Variants in PINX1 observed in about 807,000 individuals in gnomAD.
PINX1 encodes the protein PIN2 (TERF1) interacting telomerase inhibitor 1.
Under a neutral mutation model 25.4 loss-of-function variants are expected in PINX1, and 34 were observed. That is an observed-to-expected ratio of 1.34 (90% CI 1.02 to 1.78). The LOEUF (loss-of-function observed/expected upper bound fraction) is 1.78, where lower values mean the gene tolerates loss of function less well. Ranked by LOEUF, PINX1 falls within the 40% of genes most tolerant of loss-of-function variation. The probability of loss-of-function intolerance (pLI) is 0.00; values close to 1 mark genes in which losing one functional copy is unlikely to be tolerated. For missense variants in PINX1, 592 were observed against 404.9 expected, an observed-to-expected ratio of 1.46 and a Z score of -3.97; for synonymous variants, 197 against 147.7, an observed-to-expected ratio of 1.33 and a Z score of -2.42.
chr8:10,784,859 C>T (rs566936690), intron 6 of PINX1, among the ~76,000 whole-genome samples: 16 of 152,284 alleles, frequency 1.1e-4, no homozygotes, highest in African/African-American at 3.6e-4. Flanking sequence ...TGTCAAAGAA[C>T]AACAGATGAC....
At chr8:10,817,949 A>T (rs7845731) in intron 6 of PINX1, among the ~76,000 whole-genome samples, 1 of 152,088 alleles carries the variant, frequency 6.6e-6, no homozygotes, top group Admixed American at 6.5e-5. Flanking sequence ...ATTTTTTTTA[A>T]ATTTTTCTCC....
intron 6 of PINX1, among the ~76,000 whole-genome samples, chr8:10,778,868 G>A (rs1407501366): frequency 6.6e-6 from 1 of 152,184 alleles, no homozygotes; most frequent in African/African-American, 2.4e-5. Flanking sequence ...AAGAGGGTGG[G>A]CTTTTACCCA....
chr8:10,783,448 G>A (rs769804248), intron 6 of PINX1, among the ~76,000 whole-genome samples: 1 of 152,190 alleles, frequency 6.6e-6, no homozygotes, highest in Admixed American at 6.5e-5. Flanking sequence ...TGTCTTTGCA[G>A]ATATGGTCTT....
chr8:10,794,444 T>A (rs931968471), intron 6 of PINX1, among the ~76,000 whole-genome samples: 1 of 152,158 alleles, frequency 6.6e-6, no homozygotes, highest in African/African-American at 2.4e-5. Context: ...GCTACCTTTT[T>A]TTTTTTTGAG....
At position 10,765,637 on chromosome 8, in the gene PINX1, T is replaced by A; in HGVS notation, c.751A>T (p.Lys251Ter). The change falls in exon 7 of 7, where the codon AAG (lysine) becomes TAG (stop). Residue 251 changes from lysine to a stop codon, truncating the protein, a stop_gained. Coordinates refer to ENST00000314787, the MANE Select transcript of PINX1 (RefSeq NM_017884.6). LOFTEE classifies it low-confidence loss of function (END_TRUNC). The stretch of plus-strand genomic sequence containing the variant: ...TCTTCTGCTGGCGCGCTCTTCTTCT[T>A]GGCCACTCGCTCCTGGGCCTCGGCC... Reference protein sequence around the residue: ...ERAEAQERVAKKKSAPAEEQL... With the variant: ...ERAEAQERVA 1 of 1,613,922 alleles carries A rather than the reference T, an allele frequency of 6.2e-7. No individual in the cohort carries two copies. Among genetic ancestry groups the A allele is most frequent in the Non-Finnish European group, 8.5e-7 (1 of 1,179,886 alleles).
intron 6 of PINX1, among the ~76,000 whole-genome samples, chr8:10,810,255 C>A (rs9650659): frequency 0.17 from 25,338 of 152,224 alleles, 2,513 homozygotes; most frequent in Non-Finnish European, 0.23. Context: ...CAAGACACTA[C>A]TGTTTCCTTC....
intron 6 of PINX1, among the ~76,000 whole-genome samples, chr8:10,804,390 G>A (rs945810257): frequency 4.6e-5 from 7 of 152,178 alleles, no homozygotes; most frequent in Non-Finnish European, 5.9e-5. Context: ...ACACAGAGCT[G>A]GGTGAGAAGA....
At chr8:10,831,839 A>C in intron 3 of PINX1, 96 bp from the exon 4 acceptor site, 2 of 697,212 alleles carry the variant, frequency 2.9e-6, no homozygotes, top group Non-Finnish European at 5.1e-6. Context: ...CCAGTGGTTA[A>C]TTAAGAAATT....
chr8:10,805,536 G>T lies in PINX1; in HGVS notation c.471+14657C>A, dbSNP rs56308167. On this transcript the variant is annotated intron_variant, in intron 6 of 6. Coordinates refer to ENST00000314787, the MANE Select transcript of PINX1 (RefSeq NM_017884.6). ...AGGAAGGGGCCACACTAGTGCTGAG[G>T]GAGGAGGCAGAGCACAGGAAGGGGC... Among the ~76,000 whole-genome samples, 288 of 113,548 alleles carry T rather than the reference G, an allele frequency of 2.5e-3. 19 individuals carry two copies. Among genetic ancestry groups the T allele is most frequent in the Middle Eastern group, 4.7e-3 (1 of 212 alleles). 74.5% of individuals were successfully genotyped at this position (113,548 alleles called of 152,430 possible).
chr8:10,801,255 G>A (rs1458806502), intron 6 of PINX1, among the ~76,000 whole-genome samples: 1 of 152,226 alleles, frequency 6.6e-6, no homozygotes, highest in Non-Finnish European at 1.5e-5. Flanking sequence ...GCTTACGAAA[G>A]CGTGCTTCCA....
chr8:10,769,787 T>C (rs1272726446), intron 6 of PINX1, among the ~76,000 whole-genome samples: 13 of 152,190 alleles, frequency 8.5e-5, no homozygotes, highest in Admixed American at 8.5e-4. Context: ...GCAAAGCCCT[T>C]GCTCCCTGTA....
intron 6 of PINX1, among the ~76,000 whole-genome samples, chr8:10,768,517 G>C (rs970006764): frequency 1.3e-5 from 2 of 152,174 alleles, no homozygotes; most frequent in African/African-American, 4.8e-5. Flanking sequence ...AATAGGCACG[G>C]GTCACTGCAC....
chr8:10,825,414 G>C, intron 5 of PINX1: 2 of 534,804 alleles, frequency 3.7e-6, no homozygotes, highest in Non-Finnish European at 7.7e-6. Context: ...TGTAAACTAT[G>C]TAATAAGTAG....
intron 6 of PINX1, among the ~76,000 whole-genome samples, chr8:10,791,795 A>G (rs1801930829): frequency 6.6e-6 from 1 of 152,164 alleles, no homozygotes; most frequent in Admixed American, 6.5e-5. Flanking sequence ...ACCTCTCTCC[A>G]GCACTGCGCG....
At chr8:10,800,224 C>T (rs1323966123) in intron 6 of PINX1, among the ~76,000 whole-genome samples, 1 of 152,210 alleles carries the variant, frequency 6.6e-6, no homozygotes, top group Non-Finnish European at 1.5e-5. Context: ...TGGTATTATT[C>T]TTAAGGATTC....
intron 6 of PINX1, among the ~76,000 whole-genome samples, chr8:10,801,877 G>A (rs990092790): frequency 2.0e-5 from 3 of 152,272 alleles, no homozygotes; most frequent in Non-Finnish European, 2.9e-5. Flanking sequence ...CACGGGTATC[G>A]TCCTGGCCCC....
At chr8:10,837,508 T>C (rs1358413841) in intron 1 of PINX1, among the ~76,000 whole-genome samples, 1 of 152,212 alleles carries the variant, frequency 6.6e-6, no homozygotes, top group Non-Finnish European at 1.5e-5. Flanking sequence ...TCATTGAATC[T>C]GGGGATGATC....
chr8:10,810,595 T>C (rs1313793979), intron 6 of PINX1, among the ~76,000 whole-genome samples: 1 of 152,044 alleles, frequency 6.6e-6, no homozygotes, highest in South Asian at 2.1e-4. Context: ...TATGAGGAAA[T>C]ATAAAAATTC....
At position 10,765,699 on chromosome 8, in the gene PINX1, G is replaced by A. The variant is rs758884119; in HGVS notation, c.689C>T (p.Pro230Leu). 1 of 1,613,896 alleles carries A rather than the reference G, an allele frequency of 6.2e-7. No homozygotes were observed. The highest frequency in any genetic ancestry group is 8.5e-7 in the Non-Finnish European group (1 of 1,179,902). The change falls in exon 7 of 7, where the codon CCT becomes CTT. Residue 230 changes from proline (P) to leucine (L), a missense_variant. By Grantham distance (98) the Pro-to-Leu change is moderately conservative. Transcript: ENST00000314787. ...TGKDVESYLQPKAKRHTEGKP... is the reference protein window; with the variant it reads ...TGKDVESYLQLKAKRHTEGKP... ...TCCCTCCGTGTGCCTCTTGGCCTTA[G>A]GCTGGAGGTAACTTTCCACATCTTT...
Sources: allele counts gnomAD v4.1 joint callset (sites outside exome capture counted in the v4.1 genomes callset), GRCh38; gene constraint gnomAD v4.1.1; transcripts MANE v1.5; gene names NCBI Gene and HGNC (gene_info 2026-07-23, HGNC 2026-07-21).